The following LRRC37A2 variants were observed in gnomAD, a reference collection of about 807,000 sequenced individuals.
The protein encoded by LRRC37A2 is leucine-rich repeat-containing protein 37A2.
Under a neutral mutation model 68.8 loss-of-function variants are expected in LRRC37A2, and 9 were observed. That is an observed-to-expected ratio of 0.13 (90% confidence interval 0.08 to 0.23). LRRC37A2 has a LOEUF of 0.23. Ranked by LOEUF, LRRC37A2 falls within the 10% of genes least tolerant of loss-of-function variation. LRRC37A2 has a pLI of 1.00. For synonymous variants in LRRC37A2, 63 were observed against 367.6 expected (o/e 0.17, Z 9.48); for missense variants, 168 against 950.4 (o/e 0.18, Z 10.82).
At chr17:46,980,380 C>CTTCTTTCTTTCTCTTCTTTCTTCT in the LRRC37A2 span, among the ~76,000 whole-genome samples, 1 of 151,186 alleles carries the variant, frequency 6.6e-6, no homozygotes, top group South Asian at 2.1e-4. Flanking sequence ...TCTTCTTTCT[C>CTTCTTTCTTTCTCTTCTTTCTTCT]TTCTTTCTTT....
the LRRC37A2 span, among the ~76,000 whole-genome samples, chr17:46,855,986 G>A: frequency 6.6e-6 from 1 of 152,192 alleles, no homozygotes; most frequent in Admixed American, 6.5e-5. Flanking sequence ...ACCATGCCCG[G>A]CCCCCAGTCC....
chr17:46,890,991 G>A, the LRRC37A2 span, among the ~76,000 whole-genome samples: 2 of 152,180 alleles, frequency 1.3e-5, no homozygotes, highest in Non-Finnish European at 2.9e-5. Context: ...AGGAAACTGA[G>A]GCACAGCGAA....
chr17:46,730,628 G>T, the LRRC37A2 span, among the ~76,000 whole-genome samples: 4 of 152,094 alleles, frequency 2.6e-5, no homozygotes, highest in Non-Finnish European at 5.9e-5. Context: ...TGGCATAGAG[G>T]CTTATACGTA....
chr17:46,802,825 A>C, the LRRC37A2 span, among the ~76,000 whole-genome samples: 1 of 152,056 alleles, frequency 6.6e-6, no homozygotes, highest in African/African-American at 2.4e-5. Context: ...CGCCCTATGC[A>C]CCTCTTCATC....
At chr17:46,707,664 G>T in the LRRC37A2 span, among the ~76,000 whole-genome samples, 1 of 152,040 alleles carries the variant, frequency 6.6e-6, no homozygotes, top group Non-Finnish European at 1.5e-5. Flanking sequence ...CTTATTTGAC[G>T]TAGCATAATG....
the LRRC37A2 span, among the ~76,000 whole-genome samples, chr17:46,748,439 A>G: frequency 1.1e-4 from 17 of 152,302 alleles, no homozygotes; most frequent in South Asian, 2.9e-3. Flanking sequence ...CAACTAGCCA[A>G]ACTATTAAGA....
chr17:46,879,792 C>T, the LRRC37A2 span, among the ~76,000 whole-genome samples: 2 of 152,226 alleles, frequency 1.3e-5, no homozygotes, highest in Admixed American at 6.5e-5. Flanking sequence ...CCTTCCCAGG[C>T]TGTGATCCCA....
chr17:46,405,517 T>C, the LRRC37A2 span, among the ~76,000 whole-genome samples: 1 of 45,570 alleles, frequency 2.2e-5, no homozygotes, highest in Non-Finnish European at 5.2e-5. Flanking sequence ...GGTGGGCGGA[T>C]CGTGAGGTCA....
chr17:46,987,723 G>T, the LRRC37A2 span, among the ~76,000 whole-genome samples: 1 of 152,122 alleles, frequency 6.6e-6, no homozygotes, highest in Non-Finnish European at 1.5e-5. Flanking sequence ...GGTAGAAACA[G>T]CCCAGCTATT....
At chr17:46,790,667 A>T in the LRRC37A2 span, among the ~76,000 whole-genome samples, 1 of 152,110 alleles carries the variant, frequency 6.6e-6, no homozygotes, top group Non-Finnish European at 1.5e-5. Context: ...CCTCTCCCGA[A>T]GTAGCCCTCC....
chr17:46,768,296 C>A, the LRRC37A2 span: 4 of 1,612,952 alleles, frequency 2.5e-6, no homozygotes, highest in Non-Finnish European at 3.4e-6. This position sits in a 1 kb window ranked among gnomAD's most constrained non-coding sequence, Gnocchi z 5.0. Context: ...CTCCCCCCTG[C>A]TTCCCGGAGC....
At chr17:46,941,740 A>ATTTTTTTTTTTTT in the LRRC37A2 span, 1 of 149,700 alleles carries the variant, frequency 6.7e-6, no homozygotes, top group African/African-American at 2.6e-5. Context: ...TGTCTGGCTA[A>ATTTTTTTTTTTTT]TTTTTTTTTT....
the LRRC37A2 span, chr17:47,019,653 G>T: frequency 7.1e-7 from 1 of 1,405,462 alleles, no homozygotes; most frequent in Non-Finnish European, 1.0e-6. Context: ...TGCACCAGAG[G>T]AACAGAAGGC....
the LRRC37A2 span, among the ~76,000 whole-genome samples, chr17:46,904,486 ATGGATGGG>A: frequency 6.7e-5 from 3 of 44,472 alleles, no homozygotes; most frequent in African/African-American, 1.5e-4. Flanking sequence ...GGATGGATGG[ATGGATGGG>A]TGGATGGGTG....
the LRRC37A2 span, among the ~76,000 whole-genome samples, chr17:46,803,535 G>GA: frequency 4.0e-5 from 6 of 148,800 alleles, no homozygotes; most frequent in South Asian, 2.1e-4. Flanking sequence ...TCTCAAGAAA[G>GA]AAAAAAAAAA....
At chr17:46,753,259 G>A in the LRRC37A2 span, among the ~76,000 whole-genome samples, 2 of 152,160 alleles carry the variant, frequency 1.3e-5, no homozygotes, top group African/African-American at 2.4e-5. Flanking sequence ...GGCAGTGAGC[G>A]GCAGAGGTGA....
the LRRC37A2 span, among the ~76,000 whole-genome samples, chr17:46,823,166 T>TTATATATTTATATATTATATATTA: frequency 7.8e-6 from 1 of 128,552 alleles, no homozygotes; most frequent in Non-Finnish European, 1.6e-5. Flanking sequence ...ATATTATATA[T>TTATATATTTATATATTATATATTA]TATATATTTA....
At chr17:46,479,697 TG>T in the LRRC37A2 span, among the ~76,000 whole-genome samples, 1 of 105,126 alleles carries the variant, frequency 9.5e-6, no homozygotes, top group African/African-American at 3.4e-5. Context: ...TTAGTAGAGA[TG>T]GGGTTTCACC....
the LRRC37A2 span, among the ~76,000 whole-genome samples, chr17:46,812,364 G>A: frequency 1.3e-4 from 20 of 151,550 alleles, no homozygotes; most frequent in African/African-American, 4.8e-4. Flanking sequence ...TAATTAAGCA[G>A]CAGCTTCTGC....
Sources: allele counts gnomAD v4.1 joint callset (sites outside exome capture counted in the v4.1 genomes callset), GRCh38; gene constraint gnomAD v4.1.1; non-coding constraint Gnocchi (gnomAD v3.1); transcripts MANE v1.5; gene names NCBI Gene and HGNC (gene_info 2026-07-23, HGNC 2026-07-21).